Variants in CDH18 observed in about 807,000 individuals in gnomAD.
CDH18 encodes the protein cadherin-18.
CDH18 carries 31 observed loss-of-function variants against 67.9 expected under a neutral mutation model. The observed-to-expected ratio is 0.46, with a 90% confidence interval of 0.34 to 0.62. CDH18 has a LOEUF of 0.62. Among genes scored for constraint, CDH18 ranks in the 20% least tolerant of loss-of-function variants. The pLI is 0.01. For synonymous variants in CDH18, 362 were observed against 347.2 expected, an observed-to-expected ratio of 1.04 and a Z score of -0.48; for missense variants, 890 against 975.5, an observed-to-expected ratio of 0.91 and a Z score of 1.17.
chr5:19,717,742 C>T (rs957710879), intron 5 of CDH18, among the ~76,000 whole-genome samples: 1 of 152,000 alleles, frequency 6.6e-6, no homozygotes, highest in Non-Finnish European at 1.5e-5. Flanking sequence ...CCTCAAAATG[C>T]ATTGCTTAGG....
intron 2 of CDH18, among the ~76,000 whole-genome samples, chr5:19,895,568 G>A (rs1414550070): frequency 6.6e-6 from 1 of 152,124 alleles, no homozygotes; most frequent in Non-Finnish European, 1.5e-5. Context: ...CACAAATGTT[G>A]ATAGCAGAGT....
At chr5:19,580,889 A>AT (rs985907950) in intron 7 of CDH18, among the ~76,000 whole-genome samples, 1 of 151,876 alleles carries the variant, frequency 6.6e-6, no homozygotes, top group South Asian at 2.1e-4. Flanking sequence ...AAGATAAACA[A>AT]TTTTTTTAGT....
intron 2 of CDH18, among the ~76,000 whole-genome samples, chr5:19,872,504 C>T (rs1441044576): frequency 6.6e-6 from 1 of 152,172 alleles, no homozygotes; most frequent in Non-Finnish European, 1.5e-5. Flanking sequence ...ATTGGGCCCT[C>T]CATGAGGTCA....
At chr5:20,262,344 T>A (rs1744716125) in intron 1 of CDH18, among the ~76,000 whole-genome samples, 1 of 152,226 alleles carries the variant, frequency 6.6e-6, no homozygotes, top group African/African-American at 2.4e-5. Flanking sequence ...TCAGTCCTCT[T>A]CAATATGTTT....
rs182067599 is a variant in CDH18 at position 20,420,714 on chromosome 5, G to C, written c.-580+154748C>G. ...AATCTCTTTGTATATGTCATTTAAA[G>C]AGTCTACAAGAAACTATTGAATCTT... On this transcript the variant is annotated intron_variant, in intron 1 of 14. Transcript: ENST00000507958. Among the ~76,000 whole-genome samples, 333 of 151,310 alleles carry C rather than the reference G, an allele frequency of 2.2e-3. 4 individuals carry two copies. Among genetic ancestry groups the C allele is most frequent in the Non-Finnish European group, 3.5e-3 (238 of 68,004 alleles).
rs892467728 is a variant in CDH18 at position 19,725,298 on chromosome 5, G to A, written c.524-3832C>T. Among the ~76,000 whole-genome samples, 12 of 152,102 alleles carry A rather than the reference G, an allele frequency of 7.9e-5. No individual in the cohort carries two copies. The East Asian group carries it at 1.7e-3, about 22-fold the overall frequency. ...GATATTCAAGCCTCCAACTTATTCA[G>A]AGAATACCACTAGGTAGGCATCTAC... On this transcript the variant is annotated intron_variant, in intron 4 of 12. Transcript: ENST00000382275.
At chr5:20,224,017 C>G (rs987034308) in intron 2 of CDH18, among the ~76,000 whole-genome samples, 1 of 152,096 alleles carries the variant, frequency 6.6e-6, no homozygotes, top group Non-Finnish European at 1.5e-5. Flanking sequence ...AGAATTGCTT[C>G]TCTTTTTATA....
intron 1 of CDH18, among the ~76,000 whole-genome samples, chr5:20,350,995 T>C (rs936774916): frequency 6.6e-6 from 1 of 152,076 alleles, no homozygotes; most frequent in Non-Finnish European, 1.5e-5. Flanking sequence ...AGGAGAACTT[T>C]TTCATACTCA....
chr5:19,775,277 C>T (rs952202993), intron 3 of CDH18, among the ~76,000 whole-genome samples: 1 of 152,172 alleles, frequency 6.6e-6, no homozygotes, highest in Non-Finnish European at 1.5e-5. Context: ...AGGAACATGT[C>T]CTTTACCAGC....
At chr5:20,342,623 A>C (rs1182328964) in intron 1 of CDH18, among the ~76,000 whole-genome samples, 1 of 152,158 alleles carries the variant, frequency 6.6e-6, no homozygotes, top group Non-Finnish European at 1.5e-5. Context: ...GAGAATAGGC[A>C]TGGGAATGGA....
chr5:19,692,277 T>C (rs1761991522), intron 5 of CDH18, among the ~76,000 whole-genome samples: 1 of 152,094 alleles, frequency 6.6e-6, no homozygotes, highest in African/African-American at 2.4e-5. Flanking sequence ...ACTGCAAAAC[T>C]ACTATAATGA....
chr5:20,542,595 C>T (rs1434473364), intron 1 of CDH18, among the ~76,000 whole-genome samples: 1 of 151,598 alleles, frequency 6.6e-6, no homozygotes, highest in Non-Finnish European at 1.5e-5. Flanking sequence ...AGTTGCATTT[C>T]TATACAAATT....
intron 2 of CDH18, among the ~76,000 whole-genome samples, chr5:20,153,104 A>C (rs1324543359): frequency 1.3e-5 from 2 of 151,862 alleles, no homozygotes; most frequent in Non-Finnish European, 2.9e-5. Flanking sequence ...CACCACGTCC[A>C]GCTAATTTTT....
intron 5 of CDH18, among the ~76,000 whole-genome samples, chr5:19,697,205 C>T (rs1290840268): frequency 6.6e-6 from 1 of 152,132 alleles, no homozygotes; most frequent in East Asian, 1.9e-4. Flanking sequence ...GACCTATCTC[C>T]CACATACATC....
intron 5 of CDH18, among the ~76,000 whole-genome samples, chr5:19,707,706 T>C (rs989929901): frequency 5.3e-5 from 8 of 152,202 alleles, no homozygotes; most frequent in Admixed American, 5.2e-4. Context: ...TTTCTGGTCT[T>C]AGTATTTACC....
chr5:20,216,012 A>G (rs1740738227), intron 2 of CDH18, among the ~76,000 whole-genome samples: 1 of 152,028 alleles, frequency 6.6e-6, no homozygotes, highest in Non-Finnish European at 1.5e-5. Context: ...ATAAAGAAAG[A>G]TAACTAATGG....
At chr5:19,845,478 T>G (rs531810181) in intron 2 of CDH18, among the ~76,000 whole-genome samples, 1 of 152,250 alleles carries the variant, frequency 6.6e-6, no homozygotes, top group African/African-American at 2.4e-5. Flanking sequence ...GAAGAATGTG[T>G]GTTTTGATGC....
chr5:19,602,440 A>G (rs904418341), intron 6 of CDH18, among the ~76,000 whole-genome samples: 2 of 151,924 alleles, frequency 1.3e-5, no homozygotes, highest in African/African-American at 4.8e-5. Flanking sequence ...AATGCAAACT[A>G]TTATAAGTTA....
At chr5:19,865,377 T>C (rs1252532456) in intron 2 of CDH18, among the ~76,000 whole-genome samples, 1 of 152,090 alleles carries the variant, frequency 6.6e-6, no homozygotes, top group African/African-American at 2.4e-5. Flanking sequence ...AAAAATATAG[T>C]TTTGTTACTT....
Sources: gnomAD v4.1 joint callset for allele counts (sites outside exome capture counted in the v4.1 genomes callset) on GRCh38, gnomAD v4.1.1 for gene constraint, MANE v1.5 for transcripts, NCBI Gene and HGNC (gene_info 2026-07-23, HGNC 2026-07-21) for gene names.